The following FAM78B variants were observed in gnomAD, a reference collection of about 807,000 sequenced individuals.
FAM78B encodes family with sequence similarity 78 member B.
A neutral mutation model predicts 20.0 loss-of-function variants in FAM78B; 10 were observed. The observed-to-expected ratio is 0.50, with a 90% CI of 0.31 to 0.85. FAM78B has a LOEUF of 0.85. Ranked by LOEUF, FAM78B falls within the 40% of genes least tolerant of loss-of-function variation. The probability of loss-of-function intolerance (pLI) is 0.05; values close to 1 mark genes in which losing one functional copy is unlikely to be tolerated. For missense variants in FAM78B, 283 were observed against 345.0 expected (o/e 0.82, Z 1.42); for synonymous variants, 135 against 132.8 (o/e 1.02, Z -0.12).
chr1:166,128,778 A>C (rs1654735774), intron 1 of FAM78B, among the ~76,000 whole-genome samples: 1 of 152,194 alleles, frequency 6.6e-6, no homozygotes, highest in African/African-American at 2.4e-5. Context: ...AGACCCACTG[A>C]CACATGGAGC....
chr1:166,131,417 GAGTTA>G (rs1654873989), intron 1 of FAM78B, among the ~76,000 whole-genome samples: 1 of 152,192 alleles, frequency 6.6e-6, no homozygotes, highest in African/African-American at 2.4e-5. Flanking sequence ...AACTGCTCCA[GAGTTA>G]AAGCAACTCC....
Position 166,070,261 on chromosome 1 carries a change from C to T in FAM78B, c.766G>A (p.Val256Ile). The T allele has an allele frequency of 5.2e-6, 8 of 1,550,612 alleles. No individual in the cohort carries two copies. The highest frequency in any genetic ancestry group is 7.0e-6 in the Non-Finnish European group (8 of 1,146,896). Reference protein sequence around the residue: ...MWRPKRGPPLVVIPPK With the variant: ...MWRPKRGPPLIVIPPK ...TGCTTCTACTTAGGAGGGATCACAA[C>T]CAGAGGTGGCCCCCGCTTGGGCCTC... is the stretch of plus-strand genomic sequence containing the variant. The change falls in exon 2 of 2, where the codon GTT (valine) becomes ATT (isoleucine). Residue 256 changes from valine (V) to isoleucine (I), a missense_variant. Coordinates refer to ENST00000354422, the MANE Select transcript of FAM78B (RefSeq NM_001017961.5).
intron 1 of FAM78B, among the ~76,000 whole-genome samples, chr1:166,087,830 G>A (rs200845661): frequency 6.6e-6 from 1 of 152,142 alleles, no homozygotes; most frequent in Non-Finnish European, 1.5e-5. Context: ...GTGGGCAGGG[G>A]GTGGGCAGGG....
intron 1 of FAM78B, among the ~76,000 whole-genome samples, chr1:166,120,029 A>G (rs867383804): frequency 6.6e-6 from 1 of 152,180 alleles, no homozygotes; most frequent in Non-Finnish European, 1.5e-5. Flanking sequence ...TCCCTCCCAT[A>G]AAGTCAGCTC....
At chr1:166,146,165 G>T (rs565696108) in intron 1 of FAM78B, among the ~76,000 whole-genome samples, 2 of 152,178 alleles carry the variant, frequency 1.3e-5, no homozygotes, top group Non-Finnish European at 1.5e-5. Flanking sequence ...GGACAATTCA[G>T]GGGGATGCTT....
chr1:166,060,757 G>T, intron 2 of FAM78B: 1 of 744,530 alleles, frequency 1.3e-6, no homozygotes, highest in Non-Finnish European at 1.9e-6. Context: ...CATGATCTGG[G>T]CTCCATTAAT....
intron 1 of FAM78B, among the ~76,000 whole-genome samples, chr1:166,154,591 G>A (rs901533191): frequency 2.6e-5 from 4 of 152,202 alleles, no homozygotes; most frequent in Non-Finnish European, 4.4e-5. Context: ...TCCTGGGCAG[G>A]TGGCCATCTC....
chr1:166,133,301 A>G (rs1654943650), intron 1 of FAM78B, among the ~76,000 whole-genome samples: 1 of 152,124 alleles, frequency 6.6e-6, no homozygotes, highest in Non-Finnish European at 1.5e-5. Flanking sequence ...CTTCCTCAAG[A>G]GCTGGTTATG....
intron 1 of FAM78B, among the ~76,000 whole-genome samples, chr1:166,158,371 A>G (rs1214414120): frequency 6.6e-6 from 1 of 152,200 alleles, no homozygotes; most frequent in East Asian, 1.9e-4. Flanking sequence ...AAAGAACCAG[A>G]GTAGTCAGAG....
At chr1:166,088,742 G>A (rs907565776) in intron 1 of FAM78B, among the ~76,000 whole-genome samples, 2 of 152,144 alleles carry the variant, frequency 1.3e-5, no homozygotes, top group Admixed American at 6.5e-5. Context: ...GGACTGACCC[G>A]AAGTATTTGG....
At chr1:166,144,796 A>C (rs1330925932) in intron 1 of FAM78B, among the ~76,000 whole-genome samples, 1 of 152,216 alleles carries the variant, frequency 6.6e-6, no homozygotes. Context: ...CCACAAAAGA[A>C]GGAGAGACCT....
intron 1 of FAM78B, among the ~76,000 whole-genome samples, chr1:166,160,669 T>C (rs1227001801): frequency 6.6e-6 from 1 of 152,232 alleles, no homozygotes; most frequent in Non-Finnish European, 1.5e-5. Flanking sequence ...TGAAGAGACA[T>C]TATTTGTTGA....
chr1:166,110,138 A>G (rs1250946015), intron 1 of FAM78B, among the ~76,000 whole-genome samples: 1 of 151,282 alleles, frequency 6.6e-6, no homozygotes, highest in Non-Finnish European at 1.5e-5. Flanking sequence ...GGAGAGAGGG[A>G]TAGAAGACTA....
At chr1:166,123,677 T>A (rs1476474991) in intron 1 of FAM78B, among the ~76,000 whole-genome samples, 4 of 152,154 alleles carry the variant, frequency 2.6e-5, no homozygotes, top group African/African-American at 9.7e-5. Context: ...CTGGGAAAGT[T>A]CCTAGCAGAA....
chr1:166,125,310 T>C (rs1300527443), intron 1 of FAM78B, among the ~76,000 whole-genome samples: 1 of 152,160 alleles, frequency 6.6e-6, no homozygotes, highest in African/African-American at 2.4e-5. Context: ...CAGTTGCATA[T>C]TGAGGCTGAG....
intron 1 of FAM78B, among the ~76,000 whole-genome samples, chr1:166,164,492 G>A (rs892697995): frequency 6.6e-6 from 1 of 152,224 alleles, no homozygotes; most frequent in Non-Finnish European, 1.5e-5. Context: ...ACATCTAGCT[G>A]TCTTCTCTGG....
At chr1:166,132,394 T>G (rs1313022195) in intron 1 of FAM78B, among the ~76,000 whole-genome samples, 7 of 152,224 alleles carry the variant, frequency 4.6e-5, no homozygotes, top group Non-Finnish European at 1.0e-4. Context: ...CATGTAATTT[T>G]TATTTTGCAG....
downstream of FAM78B, among the ~76,000 whole-genome samples, chr1:166,068,039 CAT>C (rs1274131846): frequency 6.6e-6 from 1 of 152,154 alleles, no homozygotes; most frequent in Non-Finnish European, 1.5e-5. Flanking sequence ...AATTTGCAAA[CAT>C]AAATCTTGTA....
At chr1:166,115,952 C>T (rs369989866) in intron 1 of FAM78B, among the ~76,000 whole-genome samples, 2 of 152,332 alleles carry the variant, frequency 1.3e-5, no homozygotes, top group African/African-American at 4.8e-5. Flanking sequence ...CTGTAATGTT[C>T]TAGAGAGATG....
Sources: gnomAD v4.1 joint callset for allele counts (sites outside exome capture counted in the v4.1 genomes callset) on GRCh38, gnomAD v4.1.1 for gene constraint, MANE v1.5 for transcripts, NCBI Gene and HGNC (gene_info 2026-07-23, HGNC 2026-07-21) for gene names.